The following BLVRB variants were observed in gnomAD, a reference collection of about 807,000 sequenced individuals.
BLVRB encodes flavin reductase (NADPH).
In BLVRB, 25 loss-of-function variants were observed where a neutral mutation model predicts 21.1. That is an observed-to-expected ratio of 1.19 (90% confidence interval 0.86 to 1.66). The LOEUF (loss-of-function observed/expected upper bound fraction) is 1.66. Ranked by LOEUF, BLVRB falls within the 40% of genes most tolerant of loss-of-function variation. The pLI is 0.00. For synonymous variants in BLVRB, 128 were observed against 122.2 expected (o/e 1.05, Z -0.31); for missense variants, 274 against 282.7 (o/e 0.97, Z 0.22).
At chr19:40,458,313 CGGGGGCGGGGGTGGCGCT>C in intron 2 of BLVRB, 50 bp downstream of exon 2, 1 of 468,840 alleles carries the variant, frequency 2.1e-6, no homozygotes. Context: ...GGGGCGGGGC[CGGGGGCGGGGGTGGCGCT>C]GGGGGCCGAG....
intron 4 of BLVRB, among the ~76,000 whole-genome samples, chr19:40,448,609 ATATATATATATAT>A (rs2079725042): frequency 4.8e-4 from 3 of 6,256 alleles, no homozygotes; most frequent in African/African-American, 1.2e-3. Context: ...ACAACAACAA[ATATATATATATAT>A]ATATATATAT....
Position 40,460,279 on chromosome 19 carries a change from G to A in BLVRB, c.80-1734C>T, listed in dbSNP as rs555118099. On this transcript the variant is annotated intron_variant, in intron 1 of 4. Coordinates refer to ENST00000263368, the MANE Select transcript of BLVRB (RefSeq NM_000713.3). ...ATATATATATATATATATATATTTA[G>A]AGACAGGGTCTTGCTCTGTTGCCCA... Among the ~76,000 whole-genome samples, 792 of 111,986 alleles carry A rather than the reference G, an allele frequency of 7.1e-3. 14 individuals are homozygous for A. Among genetic ancestry groups the A allele is most frequent in the Middle Eastern group, 0.021 (5 of 240 alleles). 73.5% of individuals were successfully genotyped at this position (111,986 alleles called of 152,430 possible).
At position 40,458,555 on chromosome 19, in the gene BLVRB, A is replaced by G. The variant is rs759056042; in HGVS notation, c.80-10T>C. ...ACTGTCACTTCGTAACCTGTGGGCA[A>G]AGAGGAGCAGAGAGCCTGGTCAGTG... On this transcript the variant is annotated splice_polypyrimidine_tract_variant and intron_variant, in intron 1 of 4. Coordinates refer to ENST00000263368, the MANE Select transcript of BLVRB (RefSeq NM_000713.3). 18 of 1,591,792 alleles carry G rather than the reference A, an allele frequency of 1.1e-5. No homozygotes were observed. The South Asian group carries it at 1.9e-4, about 17-fold the overall frequency.
chr19:40,460,275 T>TATATATATATATATATATATA (rs1555806375), intron 1 of BLVRB, among the ~76,000 whole-genome samples: 90 of 134,292 alleles, frequency 6.7e-4, no homozygotes, highest in African/African-American at 1.2e-3. Flanking sequence ...TATATATATA[T>TATATATATATATATATATATA]TTAGAGACAG....
intron 1 of BLVRB, among the ~76,000 whole-genome samples, chr19:40,462,083 C>T (rs1043124133): frequency 4.6e-5 from 7 of 152,214 alleles, no homozygotes; most frequent in African/African-American, 1.7e-4. Flanking sequence ...AACTCCAGCT[C>T]TGCCACTTAC....
chr19:40,454,372 A>G (rs1599687485), intron 3 of BLVRB, among the ~76,000 whole-genome samples: 1 of 151,984 alleles, frequency 6.6e-6, no homozygotes, highest in South Asian at 2.1e-4. Flanking sequence ...CAAGCGATCC[A>G]CCTGCCTTAG....
Position 40,465,467 on chromosome 19 carries a change from G to A in BLVRB, c.79+143C>T, listed in dbSNP as rs575373702. ...ATCTTTCCCCATTTCTGCCCCCGTG[G>A]CCACTTGCTTTGGCCCCTGAGTCCT... On this transcript the variant is annotated intron_variant, in intron 1 of 4. Coordinates refer to ENST00000263368, the MANE Select transcript of BLVRB (RefSeq NM_000713.3). 4.2e-5 allele frequency: 41 copies of A among 973,388 alleles called. No individual in the cohort carries two copies. The East Asian group carries it at 6.9e-4, about 16-fold the overall frequency. The allele number at this position is 973,388 out of a possible 1,614,324, so 60.3% of individuals were successfully genotyped here. A position where few individuals can be genotyped will look rare whatever the true frequency, so the allele number is the denominator to read the frequency against.
chr19:40,465,591 C>A lies in BLVRB; in HGVS notation c.79+19G>T. On this transcript the variant is annotated intron_variant, in intron 1 of 4. Transcript: ENST00000263368. ...TGCCCGTCTGTCCCGTGACATGCCC[C>A]GCCCGCCCCGGCTCATGCCTGCTTG... 6.2e-7 allele frequency: 1 copy of A among 1,604,898 alleles called. No homozygotes were observed. Among genetic ancestry groups the A allele is most frequent in the African/African-American group, 1.3e-5 (1 of 74,854 alleles).
At chr19:40,451,331 G>A (rs529204665) in intron 4 of BLVRB, 33 bp downstream of exon 4, 25 of 1,584,054 alleles carry the variant, frequency 1.6e-5, no homozygotes, top group South Asian at 1.4e-4. Flanking sequence ...CAGGCAGATG[G>A]CATTGGTGCC....
chr19:40,452,851 C>T (rs942103399), intron 3 of BLVRB, among the ~76,000 whole-genome samples: 6 of 148,620 alleles, frequency 4.0e-5, no homozygotes, highest in Admixed American at 3.4e-4. Context: ...GGAGACAGAG[C>T]AAGACTCCAT....
chr19:40,457,772 C>T (rs2079767961), intron 3 of BLVRB: 1 of 238,308 alleles, frequency 4.2e-6, no homozygotes, highest in African/African-American at 2.2e-5. Context: ...ATCCACAGCT[C>T]TATCACTTCC....
At chr19:40,457,631 C>CT (rs2079767191) in intron 3 of BLVRB, 1 of 151,002 alleles carries the variant, frequency 6.6e-6, no homozygotes, top group South Asian at 2.1e-4. Context: ...GAGCAAGACT[C>CT]TATCTCAAAC....
chr19:40,462,892 C>CAAAA (rs56923063), intron 1 of BLVRB, among the ~76,000 whole-genome samples: 9 of 49,864 alleles, frequency 1.8e-4, no homozygotes, highest in African/African-American at 4.2e-4. Flanking sequence ...ACTCTTGTCT[C>CAAAA]AAAAAAAAAA....
intron 1 of BLVRB, among the ~76,000 whole-genome samples, chr19:40,462,477 A>G (rs2079791982): frequency 6.6e-6 from 1 of 150,838 alleles, no homozygotes; most frequent in African/African-American, 2.4e-5. Context: ...ATGGGGTTTC[A>G]CGGTGTTAGC....
chr19:40,448,630 T>A (rs1599684694), intron 4 of BLVRB, among the ~76,000 whole-genome samples: 5 of 145,864 alleles, frequency 3.4e-5, no homozygotes, highest in Admixed American at 1.4e-4. Context: ...TATATATATA[T>A]ATATATATAT....
chr19:40,462,479 G>C (rs141002134), intron 1 of BLVRB, among the ~76,000 whole-genome samples: 7 of 150,784 alleles, frequency 4.6e-5, no homozygotes, highest in Admixed American at 2.6e-4. Context: ...GGGGTTTCAC[G>C]GTGTTAGCCA....
intron 3 of BLVRB, among the ~76,000 whole-genome samples, chr19:40,452,152 C>T (rs2079742767): frequency 6.6e-6 from 1 of 152,122 alleles, no homozygotes; most frequent in South Asian, 2.1e-4. Flanking sequence ...AGCAAAGTCC[C>T]CATGGCCAGC....
At chr19:40,465,002 C>A (rs912398434) in intron 1 of BLVRB, among the ~76,000 whole-genome samples, 4 of 152,118 alleles carry the variant, frequency 2.6e-5, no homozygotes, top group African/African-American at 9.7e-5. Flanking sequence ...GGACTGCTGT[C>A]CCCAAGTCTT....
intron 1 of BLVRB, among the ~76,000 whole-genome samples, chr19:40,464,594 A>C (rs115356197): frequency 6.6e-6 from 1 of 152,074 alleles, no homozygotes; most frequent in African/African-American, 2.4e-5. Context: ...TCTCTCTCTT[A>C]CTTCCTTCTC....
Sources: gnomAD v4.1 joint callset for allele counts (sites outside exome capture counted in the v4.1 genomes callset) on GRCh38, gnomAD v4.1.1 for gene constraint, MANE v1.5 for transcripts, NCBI Gene and HGNC (gene_info 2026-07-23, HGNC 2026-07-21) for gene names.